Variants in F13A1 observed in about 807,000 individuals in gnomAD.
The protein encoded by F13A1 is FSF, A subunit.
A neutral mutation model predicts 80.1 loss-of-function variants in F13A1; 47 were observed. The observed-to-expected ratio is 0.59, with a 90% CI of 0.46 to 0.75. The LOEUF (loss-of-function observed/expected upper bound fraction) is 0.75. F13A1 is among the 30% of genes least tolerant of loss of function. F13A1 has a pLI of 0.00. For synonymous variants in F13A1, 349 were observed against 344.9 expected (o/e 1.01, Z -0.13); for missense variants, 817 against 930.4 (o/e 0.88, Z 1.59).
chr6:6,249,276 G>A (rs1238935899), intron 5 of F13A1, among the ~76,000 whole-genome samples: 1 of 152,136 alleles, frequency 6.6e-6, no homozygotes, highest in Non-Finnish European at 1.5e-5. Context: ...ACCCACTCTG[G>A]GTGTATCCCA....
chr6:6,214,476 A>G (rs1355567557), intron 8 of F13A1, among the ~76,000 whole-genome samples: 1 of 109,388 alleles, frequency 9.1e-6, no homozygotes, highest in East Asian at 2.1e-4. Flanking sequence ...GTTCTTTGAA[A>G]CCAACAAGAA....
At chr6:6,260,582 G>T (rs1024683770) in intron 4 of F13A1, among the ~76,000 whole-genome samples, 7 of 152,184 alleles carry the variant, frequency 4.6e-5, no homozygotes, top group African/African-American at 1.7e-4. Flanking sequence ...CAGTGTATGT[G>T]CTTGTGTGTG....
intron 11 of F13A1, among the ~76,000 whole-genome samples, chr6:6,179,196 A>T (rs960853772): frequency 5.9e-5 from 9 of 152,244 alleles, no homozygotes; most frequent in African/African-American, 2.2e-4. Flanking sequence ...CAAAGAGGGA[A>T]TGGAATCAAG....
At chr6:6,224,450 T>C (rs971952578) in intron 7 of F13A1, among the ~76,000 whole-genome samples, 1 of 152,172 alleles carries the variant, frequency 6.6e-6, no homozygotes, top group African/African-American at 2.4e-5. Flanking sequence ...AAGTGATGGA[T>C]TACACAGGAT....
chr6:6,266,255 G>A lies in F13A1; in HGVS notation c.571+303C>T, dbSNP rs561145302. On this transcript the variant is annotated intron_variant, in intron 4 of 14. Coordinates refer to ENST00000264870, the MANE Select transcript of F13A1 (RefSeq NM_000129.4). ...TTGTTTTTTTTCTTTTTTCAAAGAC[G>A]GAGTCTTGCTCTGTTGCCCAGGCTG... Among the ~76,000 whole-genome samples the A allele has an allele frequency of 2.7e-3, 414 of 151,742 alleles. 4 individuals carry two copies. The highest frequency in any genetic ancestry group is 9.3e-3 in the African/African-American group (385 of 41,342).
chr6:6,180,244 A>T (rs1398342072), intron 11 of F13A1, among the ~76,000 whole-genome samples: 1 of 152,194 alleles, frequency 6.6e-6, no homozygotes, highest in Admixed American at 6.5e-5. Context: ...TAGTGAGCCC[A>T]TCACTAACTT....
chr6:6,177,111 A>G (rs1254542709), intron 11 of F13A1, among the ~76,000 whole-genome samples: 1 of 152,210 alleles, frequency 6.6e-6, no homozygotes, highest in Non-Finnish European at 1.5e-5. Flanking sequence ...TCAGGGCCAC[A>G]GGCAACATTT....
chr6:6,302,788 A>T (rs541621405), intron 3 of F13A1, among the ~76,000 whole-genome samples: 1 of 152,324 alleles, frequency 6.6e-6, no homozygotes, highest in African/African-American at 2.4e-5. Context: ...TCAGAATCTC[A>T]TAAGATCACC....
chr6:6,296,303 G>A (rs1311010561), intron 3 of F13A1, among the ~76,000 whole-genome samples: 2 of 151,382 alleles, frequency 1.3e-5, no homozygotes, highest in Non-Finnish European at 1.5e-5. Context: ...GTAGCTTGAT[G>A]GGGATGGCAT....
chr6:6,179,926 G>A (rs1224251579), intron 11 of F13A1, among the ~76,000 whole-genome samples: 1 of 152,112 alleles, frequency 6.6e-6, no homozygotes, highest in African/African-American at 2.4e-5. Context: ...TCGTGGACTG[G>A]GTTTTAGTCT....
chr6:6,192,356 T>C (rs1761216487), intron 10 of F13A1, among the ~76,000 whole-genome samples: 1 of 151,806 alleles, frequency 6.6e-6, no homozygotes, highest in African/African-American at 2.4e-5. Context: ...GGAGATGAGT[T>C]AGGAGGAGTT....
Position 6,274,648 on chromosome 6 carries a change from C to T in F13A1, c.320-7839G>A, listed in dbSNP as rs575921110. Among the ~76,000 whole-genome samples the T allele has an allele frequency of 2.0e-5, 3 of 152,326 alleles. No homozygotes were observed. In the East Asian group the frequency reaches 5.8e-4, roughly 29 times the overall value. On this transcript the variant is annotated intron_variant, in intron 3 of 14. Coordinates refer to ENST00000264870, the MANE Select transcript of F13A1 (RefSeq NM_000129.4). ...TCTGAGAAAGAGGACTGTGAAGCCC[C>T]TTCAGTGAAATGTGCATGCATTTTA...
intron 3 of F13A1, among the ~76,000 whole-genome samples, chr6:6,276,830 T>C (rs978691363): frequency 3.3e-5 from 5 of 152,232 alleles, no homozygotes; most frequent in Admixed American, 2.0e-4. Flanking sequence ...CTGATGGCTA[T>C]AATAGCAAAG....
chr6:6,187,210 C>G lies in F13A1; in HGVS notation c.1306-5069G>C, dbSNP rs1005509946. 1.3e-4 allele frequency among the ~76,000 whole-genome samples: 17 copies of G among 128,760 alleles called. No individual in the cohort carries two copies. The Admixed American group carries it at 1.3e-3, about 10-fold the overall frequency. The allele number at this position is 128,760 out of a possible 152,430, so 84.5% of individuals were successfully genotyped here. A position where few individuals can be genotyped will look rare whatever the true frequency, so the allele number is the denominator to read the frequency against. On this transcript the variant is annotated intron_variant, in intron 10 of 14. Transcript: ENST00000264870. ...CTTCCTCTTTTCCTAATTGAATACC[C>G]TTTATTTCCTTCTGCCTAATTGCCC... is the stretch of plus-strand genomic sequence containing the variant.
intron 3 of F13A1, among the ~76,000 whole-genome samples, chr6:6,267,331 TAAACATTGTTTTCTGCCTA>T (rs922608391): frequency 6.6e-6 from 1 of 152,234 alleles, no homozygotes; most frequent in African/African-American, 2.4e-5. Context: ...AGCACAAATT[TAAACATTGTTTTCTGCCTA>T]GGTGCCATGG....
At chr6:6,289,309 C>T (rs1022630896) in intron 3 of F13A1, among the ~76,000 whole-genome samples, 8 of 152,266 alleles carry the variant, frequency 5.3e-5, no homozygotes, top group Non-Finnish European at 1.2e-4. Flanking sequence ...CCTTTAATCA[C>T]GTGAGCTGTC....
At chr6:6,191,785 C>T (rs960860645) in intron 10 of F13A1, among the ~76,000 whole-genome samples, 3 of 152,324 alleles carry the variant, frequency 2.0e-5, no homozygotes, top group South Asian at 4.1e-4. Flanking sequence ...CATATGGAGG[C>T]AGTGAATGCC....
chr6:6,305,091 A>C (rs1369317515), intron 3 of F13A1: 1 of 523,354 alleles, frequency 1.9e-6, no homozygotes, highest in East Asian at 3.4e-5. Flanking sequence ...TTTGAGGAAG[A>C]ATAATTTAGT....
At chr6:6,220,452 A>T (rs1757175606) in intron 8 of F13A1, among the ~76,000 whole-genome samples, 1 of 152,114 alleles carries the variant, frequency 6.6e-6, no homozygotes, top group Admixed American at 6.5e-5. Context: ...TATTTGTAGG[A>T]GTGCCTCATA....
Sources: gnomAD v4.1 joint callset for allele counts (sites outside exome capture counted in the v4.1 genomes callset) on GRCh38, gnomAD v4.1.1 for gene constraint, MANE v1.5 for transcripts, NCBI Gene and HGNC (gene_info 2026-07-23, HGNC 2026-07-21) for gene names.